Variants in MCUB observed in about 807,000 individuals in gnomAD.
MCUB encodes the protein mitochondrial calcium uniporter dominant negative subunit beta.
Under a neutral mutation model 41.4 loss-of-function variants are expected in MCUB, and 46 were observed. The ratio of observed to expected loss-of-function variants is 1.11; its 90% CI spans 0.88 to 1.42. The LOEUF (loss-of-function observed/expected upper bound fraction) is 1.42. Ranked by LOEUF, MCUB falls within the 40% of genes most tolerant of loss-of-function variation. MCUB has a pLI of 0.00. For synonymous variants in MCUB, 148 were observed against 148.2 expected (o/e 1.00, Z 0.01); for missense variants, 403 against 404.9 (o/e 1.00, Z 0.04).
intron 1 of MCUB, among the ~76,000 whole-genome samples, chr4:109,636,208 G>A (rs1728585519): frequency 6.6e-6 from 1 of 152,164 alleles, no homozygotes; most frequent in African/African-American, 2.4e-5. Context: ...CATTCTAGGT[G>A]GAAGTAGAGG....
chr4:109,608,452 G>A (rs1727928050), intron 1 of MCUB, among the ~76,000 whole-genome samples: 1 of 152,042 alleles, frequency 6.6e-6, no homozygotes, highest in Admixed American at 6.6e-5. Flanking sequence ...GGTATTTGTA[G>A]ATATTTATTG....
intron 1 of MCUB, among the ~76,000 whole-genome samples, chr4:109,641,259 C>T (rs1728708512): frequency 7.9e-6 from 1 of 125,876 alleles, no homozygotes; most frequent in Non-Finnish European, 1.6e-5. Flanking sequence ...CACCCGGCTA[C>T]TTTTTGTATT....
intron 1 of MCUB, among the ~76,000 whole-genome samples, chr4:109,646,808 C>T (rs1728848756): frequency 1.3e-5 from 2 of 152,176 alleles, no homozygotes; most frequent in Admixed American, 1.3e-4. Context: ...TCTTCTCTCC[C>T]TCTCTGTGTA....
At chr4:109,567,669 G>A (rs1726814265) in intron 1 of MCUB, among the ~76,000 whole-genome samples, 2 of 151,974 alleles carry the variant, frequency 1.3e-5, no homozygotes, top group African/African-American at 4.8e-5. Context: ...TTGTTTCCTA[G>A]TGGCTGAATG....
rs1361552933 is a variant in MCUB, at chr4:109,560,275, G to C, written c.-63G>C. 1 of 839,854 alleles carries C rather than the reference G, an allele frequency of 1.2e-6. No individual in the cohort carries two copies. The highest frequency in any genetic ancestry group is 1.6e-6 in the Non-Finnish European group (1 of 629,994). 52.0% of individuals were successfully genotyped at this position (839,854 alleles called of 1,614,324 possible). ...CTCGGAGCCACCAGGCGCTGACGAG[G>C]AGCCCGGCTGAGGGAGGATGCGCCG... On this transcript the variant is annotated 5_prime_UTR_variant, in exon 1 of 8. Transcript: ENST00000394650.
intron 4 of MCUB, among the ~76,000 whole-genome samples, chr4:109,668,305 G>A (rs1729388648): frequency 6.6e-6 from 1 of 151,940 alleles, no homozygotes; most frequent in Non-Finnish European, 1.5e-5. Flanking sequence ...TTTGCCTCAT[G>A]TAGTTTGATG....
At chr4:109,637,360 T>C (rs367848685) in intron 1 of MCUB, among the ~76,000 whole-genome samples, 1 of 152,172 alleles carries the variant, frequency 6.6e-6, no homozygotes. Context: ...TCAGTAAAAT[T>C]AGCTGAATTA....
At chr4:109,629,756 G>A (rs143207846) in intron 1 of MCUB, among the ~76,000 whole-genome samples, 79 of 152,328 alleles carry the variant, frequency 5.2e-4, no homozygotes, top group African/African-American at 1.8e-3. Flanking sequence ...CACTCTCTGG[G>A]GATGCCATTC....
intron 1 of MCUB, among the ~76,000 whole-genome samples, chr4:109,600,097 C>T (rs2126130871): frequency 1.3e-5 from 2 of 152,332 alleles, no homozygotes; most frequent in Admixed American, 1.3e-4. Context: ...GATGTATTAT[C>T]TAGGCTGTGA....
intron 1 of MCUB, among the ~76,000 whole-genome samples, chr4:109,594,742 A>G (rs1727516357): frequency 6.6e-6 from 1 of 151,488 alleles, no homozygotes; most frequent in Non-Finnish European, 1.5e-5. Context: ...GCCTGAAGTG[A>G]GGATGGAAGG....
At chr4:109,636,514 C>T (rs531151943) in intron 1 of MCUB, among the ~76,000 whole-genome samples, 28 of 152,196 alleles carry the variant, frequency 1.8e-4, no homozygotes, top group South Asian at 4.1e-4. Flanking sequence ...AGAAATCCAA[C>T]GGAATGTGAT....
intron 1 of MCUB, among the ~76,000 whole-genome samples, chr4:109,646,346 T>G (rs1728837557): frequency 6.6e-6 from 1 of 152,174 alleles, no homozygotes; most frequent in Non-Finnish European, 1.5e-5. Flanking sequence ...ATCTCCGCAC[T>G]TGCTGAAGTC....
intron 1 of MCUB, among the ~76,000 whole-genome samples, chr4:109,643,773 G>A (rs1484115628): frequency 6.6e-6 from 1 of 152,124 alleles, no homozygotes; most frequent in Non-Finnish European, 1.5e-5. Context: ...CAAAGTGCTG[G>A]GATTACAGGC....
intron 1 of MCUB, among the ~76,000 whole-genome samples, chr4:109,582,560 C>A (rs1390645428): frequency 1.6e-4 from 23 of 143,292 alleles, no homozygotes; most frequent in South Asian, 4.5e-4. Context: ...CACAGTTTAA[C>A]AAAAAAAAAA....
chr4:109,674,842 G>T (rs542439092), intron 4 of MCUB, among the ~76,000 whole-genome samples: 8 of 152,338 alleles, frequency 5.3e-5, no homozygotes, highest in African/African-American at 1.9e-4. Context: ...AAAGGTAAAT[G>T]AACACTTTTT....
intron 1 of MCUB, among the ~76,000 whole-genome samples, chr4:109,591,687 T>C (rs1169602132): frequency 6.6e-6 from 1 of 152,124 alleles, no homozygotes; most frequent in Non-Finnish European, 1.5e-5. Context: ...CATCGTATTT[T>C]AAGTCCCATT....
intron 1 of MCUB, among the ~76,000 whole-genome samples, chr4:109,606,014 G>T (rs1727862763): frequency 6.6e-6 from 1 of 151,972 alleles, no homozygotes; most frequent in African/African-American, 2.4e-5. Context: ...TCGCTCTGTT[G>T]CCCAGGCTGG....
intron 1 of MCUB, chr4:109,648,346 T>TA (rs1467581112): frequency 2.2e-5 from 5 of 231,324 alleles, no homozygotes; most frequent in African/African-American, 1.2e-4. Flanking sequence ...AAATACAGTC[T>TA]AGCTGAGAGG....
rs1209021871 is a variant in MCUB at position 109,682,743 on chromosome 4, G to A, written c.612+1G>A. The A allele has an allele frequency of 8.7e-6, 14 of 1,607,790 alleles. No individual in the cohort carries two copies. The highest frequency in any genetic ancestry group is 1.2e-5 in the Non-Finnish European group (14 of 1,177,358). On this transcript the variant is annotated splice_donor_variant, in intron 5 of 7. Coordinates refer to ENST00000394650, the MANE Select transcript of MCUB (RefSeq NM_017918.5). LOFTEE classifies it high-confidence loss of function. ...GGAACAGCTGCAGCCCCTTGAACAG[G>A]TTAGGAAGCATCACGGTTGAGTATA...
Sources: allele counts gnomAD v4.1 joint callset (sites outside exome capture counted in the v4.1 genomes callset), GRCh38; gene constraint gnomAD v4.1.1; transcripts MANE v1.5; gene names NCBI Gene and HGNC (gene_info 2026-07-23, HGNC 2026-07-21).